Variants in WWOX observed in about 807,000 individuals in gnomAD.
The protein encoded by WWOX is WW domain-containing oxidoreductase.
Under a neutral mutation model 46.2 loss-of-function variants are expected in WWOX, and 69 were observed. That is an observed-to-expected ratio of 1.49 (90% CI 1.23 to 1.82). The LOEUF (loss-of-function observed/expected upper bound fraction) is 1.82, where lower values mean the gene tolerates loss of function less well. WWOX is among the 40% of genes most tolerant of loss of function. The probability of loss-of-function intolerance (pLI) is 0.00; values close to 1 mark genes in which losing one functional copy is unlikely to be tolerated. For synonymous variants in WWOX, 359 were observed against 202.6 expected, an observed-to-expected ratio of 1.77 and a Z score of -6.56; for missense variants, 919 against 542.6, an observed-to-expected ratio of 1.69 and a Z score of -6.89.
intron 8 of WWOX, among the ~76,000 whole-genome samples, chr16:79,177,211 A>G (rs528965272): frequency 6.6e-6 from 1 of 152,164 alleles, no homozygotes; most frequent in Non-Finnish European, 1.5e-5. Flanking sequence ...GTGGCAACTG[A>G]CACATGCTGG....
intron 8 of WWOX, among the ~76,000 whole-genome samples, chr16:79,042,014 C>T (rs1047060963): frequency 2.0e-5 from 3 of 152,110 alleles, no homozygotes; most frequent in Middle Eastern, 3.2e-3. Context: ...ATGTATATAC[C>T]TTCTATCCTA....
intron 8 of WWOX, among the ~76,000 whole-genome samples, chr16:78,743,989 C>T (rs965206960): frequency 2.6e-5 from 4 of 152,162 alleles, no homozygotes; most frequent in African/African-American, 7.2e-5. Flanking sequence ...TTGTTTCATT[C>T]TTTCCTTGCT....
chr16:78,412,905 C>CT (rs1198122116), intron 6 of WWOX, among the ~76,000 whole-genome samples: 4 of 152,126 alleles, frequency 2.6e-5, no homozygotes, highest in Non-Finnish European at 4.4e-5. Context: ...AGTGAATGTC[C>CT]TTTTTTCTCT....
chr16:78,550,547 T>C (rs972508864), intron 8 of WWOX, among the ~76,000 whole-genome samples: 2 of 152,350 alleles, frequency 1.3e-5, no homozygotes, highest in Middle Eastern at 3.4e-3. Flanking sequence ...CTTTTTTGAT[T>C]TTCATGGTTT....
chr16:78,972,470 G>GAA lies in WWOX; in HGVS notation c.1057-239125_1057-239124dup, dbSNP rs11375724. On this transcript the variant is annotated intron_variant, in intron 8 of 8. Coordinates refer to ENST00000566780, the MANE Select transcript of WWOX (RefSeq NM_016373.4). ...TGGAAGGAAGTCAGCAAGCAGGGGTGAAAAAAAAAAAAAATAAAAGAACCT... is the reference window on the plus strand; with the variant it reads ...TGGAAGGAAGTCAGCAAGCAGGGGTGAAAAAAAAAAAAAAAATAAAAGAACCT... 9.5e-3 allele frequency among the ~76,000 whole-genome samples: 1,364 copies of GAA among 143,020 alleles called. 26 individuals are homozygous for GAA. Among genetic ancestry groups the GAA allele is most frequent in the African/African-American group, 0.031 (1,197 of 38,750 alleles). 93.8% of individuals were successfully genotyped at this position (143,020 alleles called of 152,430 possible).
At chr16:79,104,110 C>G (rs572038924) in intron 8 of WWOX, among the ~76,000 whole-genome samples, 3 of 141,620 alleles carry the variant, frequency 2.1e-5, no homozygotes, top group African/African-American at 5.1e-5. Context: ...TTTTCTTTTT[C>G]AGCCCTGGGA....
In WWOX at chr16:78,288,168, C is replaced by T. The variant is rs111474257; in HGVS notation, c.517-98692C>T. 7.5e-4 allele frequency among the ~76,000 whole-genome samples: 114 copies of T among 151,592 alleles called. 1 individual carries two copies. Among genetic ancestry groups the T allele is most frequent in the African/African-American group, 2.6e-3 (109 of 41,260 alleles). ...ATAGACTAGGTTTTTAAATGAAAAA[C>T]GGAAACACTTTTAAATTTTTATTTA... On this transcript the variant is annotated intron_variant, in intron 5 of 8. Coordinates refer to ENST00000566780, the MANE Select transcript of WWOX (RefSeq NM_016373.4).
intron 5 of WWOX, among the ~76,000 whole-genome samples, chr16:78,379,241 C>T (rs551832996): frequency 4.6e-5 from 7 of 152,172 alleles, no homozygotes; most frequent in East Asian, 3.9e-4. Flanking sequence ...TAAGTTTTTC[C>T]GTATGTGTAA....
At chr16:78,709,554 GA>G (rs2048394982) in intron 8 of WWOX, among the ~76,000 whole-genome samples, 1 of 152,108 alleles carries the variant, frequency 6.6e-6, no homozygotes, top group South Asian at 2.1e-4. Flanking sequence ...ACATCTTCCT[GA>G]ACACTTGCCT....
intron 4 of WWOX, among the ~76,000 whole-genome samples, chr16:78,158,929 TG>T (rs2034693248): frequency 1.3e-5 from 2 of 152,138 alleles, no homozygotes; most frequent in African/African-American, 4.8e-5. Flanking sequence ...AATACCTCCT[TG>T]TTTCTCTCTC....
intron 8 of WWOX, among the ~76,000 whole-genome samples, chr16:78,805,285 C>T (rs899833693): frequency 6.6e-6 from 1 of 152,154 alleles, no homozygotes; most frequent in African/African-American, 2.4e-5. Context: ...CGGAGTCTCA[C>T]CCTGTCGCCC....
rs967877121 is a variant in WWOX at position 78,119,232 on chromosome 16, C to G, written c.409+4078C>G. Among the ~76,000 whole-genome samples, 67 of 152,294 alleles carry G rather than the reference C, an allele frequency of 4.4e-4. 1 individual carries two copies. The highest frequency in any genetic ancestry group is 1.6e-3 in the African/African-American group (65 of 41,556). On this transcript the variant is annotated intron_variant, in intron 4 of 8. Coordinates refer to ENST00000566780, the MANE Select transcript of WWOX (RefSeq NM_016373.4). ...CTTGTTGGCTCTGATTTGGTAAAAG[C>G]AACGGAAATGCCTTCAGCACGGTGA...
chr16:79,170,895 G>A (rs1284786334), intron 8 of WWOX, among the ~76,000 whole-genome samples: 1 of 152,150 alleles, frequency 6.6e-6, no homozygotes, highest in Non-Finnish European at 1.5e-5. Context: ...GTGGATTCCT[G>A]TGTGCTGATT....
intron 8 of WWOX, among the ~76,000 whole-genome samples, chr16:78,709,734 A>ATTTTTT (rs11371557): frequency 6.9e-6 from 1 of 143,926 alleles, no homozygotes. Context: ...AACAGTAAGC[A>ATTTTTT]TTTTTTTTTT....
At chr16:78,664,012 G>T (rs1162038491) in intron 8 of WWOX, among the ~76,000 whole-genome samples, 1 of 152,186 alleles carries the variant, frequency 6.6e-6, no homozygotes. Context: ...ACTATTGGGA[G>T]GTGGTAAGCA....
intron 5 of WWOX, among the ~76,000 whole-genome samples, chr16:78,229,125 C>G (rs1323756470): frequency 1.3e-5 from 2 of 152,088 alleles, no homozygotes; most frequent in Non-Finnish European, 2.9e-5. Flanking sequence ...CATACATCTA[C>G]CTAACCTCTC....
intron 8 of WWOX, among the ~76,000 whole-genome samples, chr16:78,658,825 C>T (rs888654555): frequency 2.0e-5 from 3 of 151,802 alleles, no homozygotes; most frequent in African/African-American, 7.3e-5. Context: ...GGCACGGTGG[C>T]TCATGCCTGT....
intron 8 of WWOX, among the ~76,000 whole-genome samples, chr16:78,710,686 C>A (rs576009157): frequency 1.3e-5 from 2 of 150,976 alleles, no homozygotes; most frequent in South Asian, 4.2e-4. Flanking sequence ...GTGATCATGG[C>A]TCACTGTAGC....
chr16:78,468,402 AAAG>A (rs1444034315), intron 8 of WWOX, among the ~76,000 whole-genome samples: 3 of 152,022 alleles, frequency 2.0e-5, no homozygotes, highest in Admixed American at 6.6e-5. Context: ...CAACGGCAAA[AAAG>A]AGAATTGCAC....
Sources: gnomAD v4.1 joint callset for allele counts (sites outside exome capture counted in the v4.1 genomes callset) on GRCh38, gnomAD v4.1.1 for gene constraint, MANE v1.5 for transcripts, NCBI Gene and HGNC (gene_info 2026-07-23, HGNC 2026-07-21) for gene names.